Variants in KAZN observed in about 807,000 individuals in gnomAD.
The protein encoded by KAZN is kazrin.
Under a neutral mutation model 87.4 loss-of-function variants are expected in KAZN, and 40 were observed. That is an observed-to-expected ratio of 0.46 (90% CI 0.36 to 0.60). KAZN has a LOEUF of 0.60. Ranked by LOEUF, KAZN falls within the 20% of genes least tolerant of loss-of-function variation. The probability of loss-of-function intolerance (pLI) is 0.00; values close to 1 mark genes in which losing one functional copy is unlikely to be tolerated. For synonymous variants in KAZN, 466 were observed against 458.3 expected, an observed-to-expected ratio of 1.02 and a Z score of -0.22; for missense variants, 898 against 1,073.9, an observed-to-expected ratio of 0.84 and a Z score of 2.29.
At chr1:14,861,866 C>T (rs1385800574) in intron 1 of KAZN, among the ~76,000 whole-genome samples, 2 of 152,128 alleles carry the variant, frequency 1.3e-5, no homozygotes, top group African/African-American at 4.8e-5. Context: ...CGGAGAGAGC[C>T]GATCTGAGCA....
chr1:14,845,875 G>T (rs148990984), intron 1 of KAZN, among the ~76,000 whole-genome samples: 2 of 152,288 alleles, frequency 1.3e-5, no homozygotes, highest in East Asian at 3.9e-4. Context: ...GAGAGATGGA[G>T]AGTGAAAGAA....
At chr1:14,131,811 C>T (rs1644997972) in intron 1 of KAZN, among the ~76,000 whole-genome samples, 1 of 152,086 alleles carries the variant, frequency 6.6e-6, no homozygotes, top group African/African-American at 2.4e-5. Context: ...AGCTCTGTTT[C>T]CTTCTACTTG....
intron 2 of KAZN, among the ~76,000 whole-genome samples, chr1:15,004,017 C>T (rs1668763791): frequency 6.6e-6 from 1 of 152,172 alleles, no homozygotes; most frequent in Non-Finnish European, 1.5e-5. Context: ...AGGACATTTC[C>T]TCTGATTGTC....
At chr1:14,848,153 C>T (rs1648999514) in intron 1 of KAZN, among the ~76,000 whole-genome samples, 1 of 152,178 alleles carries the variant, frequency 6.6e-6, no homozygotes, top group South Asian at 2.1e-4. Flanking sequence ...CTTCTTCCTT[C>T]CCACACGTCT....
At chr1:14,866,243 C>T (rs1267323674) in intron 1 of KAZN, among the ~76,000 whole-genome samples, 3 of 152,126 alleles carry the variant, frequency 2.0e-5, no homozygotes, top group African/African-American at 7.2e-5. Flanking sequence ...TACTTTAGAG[C>T]GCTTTGCACA....
At chr1:14,243,729 G>A (rs1006276707) in intron 2 of KAZN, among the ~76,000 whole-genome samples, 5 of 152,190 alleles carry the variant, frequency 3.3e-5, no homozygotes, top group South Asian at 2.1e-4. Flanking sequence ...GTTGCTAGGG[G>A]CAGCCTTATT....
At chr1:14,090,007 T>C (rs888591172) in intron 1 of KAZN, among the ~76,000 whole-genome samples, 4 of 152,060 alleles carry the variant, frequency 2.6e-5, no homozygotes, top group Admixed American at 2.6e-4. Flanking sequence ...CTGTAAATAA[T>C]GCATCTTTTT....
chr1:14,968,196 T>A (rs1438180066), intron 2 of KAZN, among the ~76,000 whole-genome samples: 1 of 150,814 alleles, frequency 6.6e-6, no homozygotes, highest in Non-Finnish European at 1.5e-5. Context: ...CAGTGACAGA[T>A]CATCAGGCAT....
chr1:14,854,028 A>G (rs1342070991), intron 1 of KAZN, among the ~76,000 whole-genome samples: 1 of 152,206 alleles, frequency 6.6e-6, no homozygotes, highest in African/African-American at 2.4e-5. Context: ...ACATGGCCTC[A>G]TGTAGAACTG....
intron 2 of KAZN, among the ~76,000 whole-genome samples, chr1:14,546,156 A>G (rs1673128127): frequency 1.3e-5 from 2 of 152,224 alleles, no homozygotes; most frequent in Admixed American, 6.5e-5. Context: ...CTACCCCAGC[A>G]TAGACTGCAG....
At chr1:14,561,536 G>T (rs928645520) in intron 2 of KAZN, among the ~76,000 whole-genome samples, 1 of 152,176 alleles carries the variant, frequency 6.6e-6, no homozygotes, top group African/African-American at 2.4e-5. Context: ...AGTGGCTGCA[G>T]GTGGGAAACT....
chr1:14,172,054 G>A (rs1225563486), intron 1 of KAZN, among the ~76,000 whole-genome samples: 1 of 152,074 alleles, frequency 6.6e-6, no homozygotes. Context: ...TGAGCCCTTC[G>A]TATAAATAAG....
chr1:14,470,555 G>A (rs1207670292), intron 2 of KAZN, among the ~76,000 whole-genome samples: 1 of 152,214 alleles, frequency 6.6e-6, no homozygotes, highest in African/African-American at 2.4e-5. Flanking sequence ...TTAGATAGAA[G>A]AGCCACATTA....
chr1:14,685,073 A>G (rs934336182), intron 1 of KAZN, among the ~76,000 whole-genome samples: 2 of 152,172 alleles, frequency 1.3e-5, no homozygotes, highest in African/African-American at 4.8e-5. Context: ...GTTCCACCAG[A>G]AGCAAATTCT....
intron 1 of KAZN, among the ~76,000 whole-genome samples, chr1:14,121,253 T>A (rs1644745821): frequency 6.6e-6 from 1 of 152,200 alleles, no homozygotes; most frequent in Non-Finnish European, 1.5e-5. Flanking sequence ...AGGTGTGATA[T>A]GCAAACCTTC....
At chr1:14,762,108 G>A (rs1644756342) in intron 1 of KAZN, among the ~76,000 whole-genome samples, 2 of 152,118 alleles carry the variant, frequency 1.3e-5, no homozygotes, top group African/African-American at 4.8e-5. Context: ...GGATGACGGT[G>A]GTTCCAGAAG....
intron 1 of KAZN, among the ~76,000 whole-genome samples, chr1:14,077,021 C>T (rs1055647468): frequency 6.6e-6 from 1 of 152,146 alleles, no homozygotes; most frequent in African/African-American, 2.4e-5. Flanking sequence ...TTTAGGGTCC[C>T]CGTTCTCAGC....
intron 1 of KAZN, among the ~76,000 whole-genome samples, chr1:14,893,645 C>T (rs1006998580): frequency 1.3e-5 from 2 of 152,134 alleles, no homozygotes; most frequent in African/African-American, 2.4e-5. Flanking sequence ...CTCCTTCTGA[C>T]CATATTGTGT....
chr1:14,567,117 T>C (rs1674589254), intron 2 of KAZN, among the ~76,000 whole-genome samples: 1 of 152,220 alleles, frequency 6.6e-6, no homozygotes, highest in Non-Finnish European at 1.5e-5. Context: ...ATTTCTAGTT[T>C]TTTATTTAAA....
Sources: allele counts gnomAD v4.1 joint callset (sites outside exome capture counted in the v4.1 genomes callset), GRCh38; gene constraint gnomAD v4.1.1; transcripts MANE v1.5; gene names NCBI Gene and HGNC (gene_info 2026-07-23, HGNC 2026-07-21).